FSD1L: variants seen among roughly 807,000 people sequenced by gnomAD.
FSD1L encodes FSD1-like protein.
Under a neutral mutation model 71.6 loss-of-function variants are expected in FSD1L, and 45 were observed. The observed-to-expected ratio is 0.63, with a 90% CI of 0.49 to 0.81. The LOEUF is 0.81. Among genes scored for constraint, FSD1L ranks in the 30% least tolerant of loss-of-function variants. The pLI, the probability that FSD1L is intolerant of heterozygous loss-of-function variation, is 0.00. For synonymous variants in FSD1L, 197 were observed against 207.2 expected (o/e 0.95, Z 0.42); for missense variants, 561 against 618.1 (o/e 0.91, Z 0.98).
intron 10 of FSD1L, chr9:105,524,764 T>C: frequency 6.2e-7 from 1 of 1,608,970 alleles, no homozygotes; most frequent in East Asian, 2.2e-5. Flanking sequence ...TTAATCTCTA[T>C]AGCAGCCCGC....
chr9:105,513,423 CCT>C (rs1453668996), intron 10 of FSD1L, among the ~76,000 whole-genome samples: 1 of 152,102 alleles, frequency 6.6e-6, no homozygotes, highest in Non-Finnish European at 1.5e-5. Flanking sequence ...AACATGGGAT[CCT>C]CTTTCTTTTT....
intron 13 of FSD1L, 34 bp downstream of exon 13, chr9:105,539,385 A>G (rs1836464072): frequency 1.1e-6 from 1 of 933,962 alleles, no homozygotes; most frequent in Non-Finnish European, 1.6e-6. Context: ...TATACCTAAC[A>G]TATTTTACTT....
chr9:105,524,219 TG>T (rs931357771), intron 10 of FSD1L: 2 of 1,612,302 alleles, frequency 1.2e-6, no homozygotes, highest in Admixed American at 3.3e-5. Flanking sequence ...ATGTGATTTG[TG>T]TTTCCTTAAA....
chr9:105,510,851 C>T (rs72746030), intron 9 of FSD1L, among the ~76,000 whole-genome samples: 5,078 of 152,152 alleles, frequency 0.033, 122 homozygotes, highest in South Asian at 0.086. Flanking sequence ...GCCACTCGCA[C>T]AAGTTAAACA....
chr9:105,479,798 A>G (rs1000821320), intron 6 of FSD1L, among the ~76,000 whole-genome samples: 7 of 152,164 alleles, frequency 4.6e-5, no homozygotes, highest in Non-Finnish European at 8.8e-5. Context: ...AAGCGCTCCT[A>G]TTTCACTGCC....
At chr9:105,517,840 G>A (rs933011875) in intron 10 of FSD1L, among the ~76,000 whole-genome samples, 3 of 152,268 alleles carry the variant, frequency 2.0e-5, no homozygotes, top group Admixed American at 2.0e-4. Flanking sequence ...CGGGCTAAGT[G>A]CCCCAATTAA....
At chr9:105,501,210 A>C (rs72744265) in intron 7 of FSD1L, among the ~76,000 whole-genome samples, 4,101 of 152,100 alleles carry the variant, frequency 0.027, 81 homozygotes, top group South Asian at 0.043. Flanking sequence ...TAACACAATA[A>C]AATTGTTTTA....
At position 105,521,038 on chromosome 9, in the gene FSD1L, T is replaced by G. The variant is rs2131417134; in HGVS notation, c.1025+8102T>G. 3 of 1,612,590 alleles carry G rather than the reference T, an allele frequency of 1.9e-6. No homozygotes were observed. The East Asian group carries it at 6.7e-5, about 36-fold the overall frequency. ...CCAAACATCTGTAAGGAAAACAGTT[T>G]ATATCATCCTATACTTGACATCCCG... On this transcript the variant is annotated intron_variant, in intron 10 of 13. Coordinates refer to ENST00000481272, the MANE Select transcript of FSD1L (RefSeq NM_001145313.3).
chr9:105,487,629 A>G (rs921474294), intron 7 of FSD1L, among the ~76,000 whole-genome samples: 1 of 152,058 alleles, frequency 6.6e-6, no homozygotes, highest in Non-Finnish European at 1.5e-5. Flanking sequence ...CTTTTAATGT[A>G]TTAAGGAAGT....
chr9:105,530,641 A>G, intron 10 of FSD1L: 2 of 661,882 alleles, frequency 3.0e-6, no homozygotes, highest in Non-Finnish European at 5.4e-6. Context: ...TACTTGGGAA[A>G]TATTTTTCAG....
chr9:105,466,468 G>C (rs1831079402), intron 3 of FSD1L, among the ~76,000 whole-genome samples: 1 of 152,124 alleles, frequency 6.6e-6, no homozygotes, highest in Non-Finnish European at 1.5e-5. Context: ...CGAGTCAGGT[G>C]GATCACCTGA....
At chr9:105,465,196 A>G (rs1285632951) in intron 3 of FSD1L, among the ~76,000 whole-genome samples, 1 of 152,250 alleles carries the variant, frequency 6.6e-6, no homozygotes, top group Non-Finnish European at 1.5e-5. Context: ...ACAATCTACC[A>G]AGACTGAATC....
At chr9:105,516,829 C>T (rs868040594) in intron 10 of FSD1L, among the ~76,000 whole-genome samples, 7 of 152,058 alleles carry the variant, frequency 4.6e-5, no homozygotes, top group African/African-American at 2.4e-5. Context: ...ATGAGTTTGA[C>T]GAATTGACAG....
intron 10 of FSD1L, among the ~76,000 whole-genome samples, chr9:105,533,705 G>T (rs754004767): frequency 1.2e-4 from 14 of 119,076 alleles, no homozygotes; most frequent in Non-Finnish European, 2.4e-4. Flanking sequence ...AGAAGCATGA[G>T]CCACCGCGTG....
chr9:105,498,223 A>ATTATTGTTGTTG (rs770554725), intron 7 of FSD1L, among the ~76,000 whole-genome samples: 14 of 147,168 alleles, frequency 9.5e-5, no homozygotes, highest in African/African-American at 3.5e-4. Flanking sequence ...TATTATTATT[A>ATTATTGTTGTTG]TTGTTTTTAG....
intron 7 of FSD1L, among the ~76,000 whole-genome samples, chr9:105,493,428 C>T (rs1444969297): frequency 2.6e-5 from 4 of 152,002 alleles, no homozygotes; most frequent in African/African-American, 7.2e-5. Flanking sequence ...GAATACAGCA[C>T]ACTGATGGGT....
chr9:105,546,513 CTTGA>C lies in FSD1L; in HGVS notation c.*33_*36del, dbSNP rs1302566770. The C allele has an allele frequency of 4.0e-6, 6 of 1,500,002 alleles. No individual in the cohort carries two copies. The highest frequency in any genetic ancestry group is 2.5e-5 in the Admixed American group (1 of 40,758). The allele number at this position is 1,500,002 out of a possible 1,614,324, so 92.9% of individuals were successfully genotyped here. The stretch of plus-strand genomic sequence containing the variant: ...TACTCAGAATACGTTTACCCTCCGT[CTTGA>C]TTAGGTGGCCTTTTCTGTGCAGTTA... On this transcript the variant is annotated 3_prime_UTR_variant, in exon 14 of 14. Coordinates refer to ENST00000481272, the MANE Select transcript of FSD1L (RefSeq NM_001145313.3).
chr9:105,451,272 T>G (rs1325098412), intron 1 of FSD1L, among the ~76,000 whole-genome samples: 1 of 152,248 alleles, frequency 6.6e-6, no homozygotes, highest in African/African-American at 2.4e-5. Context: ...CATTTTTACT[T>G]TTAAAGCATC....
At chr9:105,460,955 G>A (rs1330721078) in intron 1 of FSD1L, among the ~76,000 whole-genome samples, 1 of 152,158 alleles carries the variant, frequency 6.6e-6, no homozygotes, top group East Asian at 1.9e-4. Context: ...TCACCTTCTA[G>A]AGTTAATATT....
Sources: gnomAD v4.1 joint callset for allele counts (sites outside exome capture counted in the v4.1 genomes callset) on GRCh38, gnomAD v4.1.1 for gene constraint, MANE v1.5 for transcripts, NCBI Gene and HGNC (gene_info 2026-07-23, HGNC 2026-07-21) for gene names.